Variants in MAPKBP1 observed in about 807,000 individuals in gnomAD.
The protein encoded by MAPKBP1 is mitogen-activated protein kinase binding protein 1, also known as mitogen-activated protein kinase-binding protein 1.
A neutral mutation model predicts 170.5 loss-of-function variants in MAPKBP1; 71 were observed. The ratio of observed to expected loss-of-function variants is 0.42; its 90% CI spans 0.34 to 0.51. MAPKBP1 has a LOEUF of 0.51. Ranked by LOEUF, MAPKBP1 falls within the 20% of genes least tolerant of loss-of-function variation. The pLI is 0.06. For synonymous variants in MAPKBP1, 719 were observed against 757.9 expected (o/e 0.95, Z 0.84); for missense variants, 1,598 against 1,933.0 (o/e 0.83, Z 3.25).
intron 5 of MAPKBP1, 172 bp from the exon 6 acceptor site, chr15:41,811,785 T>G (rs1567147971): frequency 2.7e-6 from 2 of 737,138 alleles, no homozygotes; most frequent in African/African-American, 3.5e-5. Flanking sequence ...TGGTAATCAC[T>G]GTTGCCCTCA....
chr15:41,780,907 C>T (rs1039075962), intron 2 of MAPKBP1, among the ~76,000 whole-genome samples: 1 of 152,080 alleles, frequency 6.6e-6, no homozygotes, highest in African/African-American at 2.4e-5. Context: ...GTTATAGCAA[C>T]AGGTCCAGTG....
Position 41,814,753 on chromosome 15 carries a change from C to T in MAPKBP1, c.1170+14C>T. On this transcript the variant is annotated intron_variant, in intron 10 of 30. Transcript: ENST00000457542. ...TGGAGTGTGGAGGTATGTGGGCTGGCTGGCTGGCTGGAGACTGGCCAGGTT... is the reference window on the plus strand; with the variant it reads ...TGGAGTGTGGAGGTATGTGGGCTGGTTGGCTGGCTGGAGACTGGCCAGGTT... The T allele has an allele frequency of 6.2e-7, 1 of 1,612,616 alleles. No individual in the cohort carries two copies. The highest frequency in any genetic ancestry group is 8.5e-7 in the Non-Finnish European group (1 of 1,178,764).
Position 41,799,883 on chromosome 15 carries a change from C to G in MAPKBP1, c.175C>G (p.Pro59Ala), listed in dbSNP as rs770589872. 1.2e-6 allele frequency: 2 copies of G among 1,614,056 alleles called. No homozygotes were observed. Among genetic ancestry groups the G allele is most frequent in the Non-Finnish European group, 1.7e-6 (2 of 1,179,998 alleles). The change falls in exon 3 of 31, where the codon CCC becomes GCC. Residue 59 changes from proline (P) to alanine (A), a missense_variant. By Grantham distance (27) the Pro-to-Ala change is conservative (BLOSUM62 -1). Coordinates refer to ENST00000457542, the MANE Select transcript of MAPKBP1 (RefSeq NM_014994.3). ...VSGGRGLACDPRSGLVAYPAG... is the reference protein window; with the variant it reads ...VSGGRGLACDARSGLVAYPAG... The stretch of plus-strand genomic sequence containing the variant: ...TGGAGGCAGAGGACTTGCCTGTGAC[C>G]CCCGATCAGGTTTAGTTGCTTACCC...
At chr15:41,794,519 C>T (rs2064451975) in intron 2 of MAPKBP1, among the ~76,000 whole-genome samples, 1 of 152,096 alleles carries the variant, frequency 6.6e-6, no homozygotes, top group Non-Finnish European at 1.5e-5. Context: ...GTTACCTGTA[C>T]CATTAAGTGC....
chr15:41,806,011 G>A (rs2064684386), intron 3 of MAPKBP1, among the ~76,000 whole-genome samples: 1 of 152,130 alleles, frequency 6.6e-6, no homozygotes, highest in Non-Finnish European at 1.5e-5. Flanking sequence ...GAGGTTCCTT[G>A]GCAGCCAGGG....
At position 41,819,288 on chromosome 15, in the gene MAPKBP1, A is replaced by C. The variant is rs778576745; in HGVS notation, c.2334A>C (p.Ser778=). The change falls in exon 21 of 31, where the codon TCA becomes TCC. Residue 778 remains serine (S), a synonymous_variant. Transcript: ENST00000457542. ...PSMLSPGPAL[S]SDSDKEGEDE... is the part of the protein sequence containing the mutation. ...TGCTGTCTCCTGGACCGGCTCTCTC[A>C]TCAGACAGTGACAAGGAGGGAGAAG... is the stretch of plus-strand genomic sequence containing the variant. 6.2e-7 allele frequency: 1 copy of C among 1,614,114 alleles called. No individual in the cohort carries two copies. The highest frequency in any genetic ancestry group is 1.7e-5 in the Admixed American group (1 of 60,026).
At position 41,810,960 on chromosome 15, in the gene MAPKBP1, G is replaced by A; in HGVS notation, c.269+15G>A. ...AACAGTTCCAGGTAAATGGGCTGGG[G>A]TCCTCAGGATACCTCTTCCTTCTGG... On this transcript the variant is annotated intron_variant, in intron 4 of 30. Coordinates refer to ENST00000457542, the MANE Select transcript of MAPKBP1 (RefSeq NM_014994.3). 1 of 1,614,124 alleles carries A rather than the reference G, an allele frequency of 6.2e-7. No homozygotes were observed. Among genetic ancestry groups the A allele is most frequent in the Non-Finnish European group, 8.5e-7 (1 of 1,179,970 alleles).
chr15:41,813,855 G>T, intron 9 of MAPKBP1, 74 bp downstream of exon 9: 1 of 1,484,164 alleles, frequency 6.7e-7, no homozygotes, highest in Non-Finnish European at 9.0e-7. Context: ...GTGCCTCAGG[G>T]AGCAGGTGAA....
Position 41,775,238 on chromosome 15 carries a change from A to T in MAPKBP1, c.-38A>T. 2 of 1,538,866 alleles carry T rather than the reference A, an allele frequency of 1.3e-6. No homozygotes were observed. The highest frequency in any genetic ancestry group is 1.8e-6 in the Non-Finnish European group (2 of 1,112,170). ...TGCCGCTGTTGAGACAAGACCCAGG[A>T]CTGGGCCGGGGACTGTCCCAAAGGG... On this transcript the variant is annotated 5_prime_UTR_variant, in exon 2 of 31. Transcript: ENST00000457542.
Position 41,815,779 on chromosome 15 carries a change from G to A in MAPKBP1, c.1473G>A (p.Gly491=). The A allele has an allele frequency of 6.2e-7, 1 of 1,614,022 alleles. No individual in the cohort carries two copies. The highest frequency in any genetic ancestry group is 8.5e-7 in the Non-Finnish European group (1 of 1,179,898). Residue 491 remains glycine (G), a synonymous_variant, in exon 12 of 31, where the codon GGG becomes GGA. Transcript: ENST00000457542. ...VSPNGQHLAS[G]DRMGTLRVHE... ...CCAATGGACAGCATCTAGCATCAGG[G>A]GACCGTATGGGCACACTTAGGTAAT... is the stretch of plus-strand genomic sequence containing the variant.
intron 2 of MAPKBP1, among the ~76,000 whole-genome samples, chr15:41,789,546 C>T (rs868786061): frequency 2.0e-5 from 3 of 152,138 alleles, no homozygotes; most frequent in Admixed American, 6.5e-5. Flanking sequence ...CATCTGCATA[C>T]GAAATCAGCT....
chr15:41,827,323 A>G lies in MAPKBP1; in HGVS notation c.*1887A>G, dbSNP rs976578590. On this transcript the variant is annotated 3_prime_UTR_variant, in exon 31 of 31. Coordinates refer to ENST00000457542, the MANE Select transcript of MAPKBP1 (RefSeq NM_014994.3). ...TCAAAAAAAAAAAAGAAAAAGGGTT[A>G]CAAAAGGTTCCCAGCTCCGGGGCAT... 16 of 151,446 alleles carry G rather than the reference A, an allele frequency of 1.1e-4. No homozygotes were observed. Among genetic ancestry groups the G allele is most frequent in the African/African-American group, 3.9e-4 (16 of 41,232 alleles). The allele number at this position is 151,446 out of a possible 1,614,324, so 9.4% of individuals were successfully genotyped here.
intron 2 of MAPKBP1, among the ~76,000 whole-genome samples, chr15:41,779,831 A>G (rs968150788): frequency 6.6e-6 from 1 of 152,120 alleles, no homozygotes; most frequent in Non-Finnish European, 1.5e-5. Flanking sequence ...CTCTTGTTGA[A>G]TTTTCTGTCT....
At chr15:41,804,481 C>G (rs2064655705) in intron 3 of MAPKBP1, among the ~76,000 whole-genome samples, 1 of 152,208 alleles carries the variant, frequency 6.6e-6, no homozygotes, top group South Asian at 2.1e-4. Flanking sequence ...CAGGTTCCCT[C>G]TTGTTGGAGG....
rs1567140804 is a variant in MAPKBP1 at position 41,797,547 on chromosome 15, G to T, written c.115-2276G>T. ...CCCCAGACTTCCCCAGGATGATTTT[G>T]TTGCTCTCCAGTCAGTAATAGGTGA... On this transcript the variant is annotated intron_variant, in intron 2 of 30. Transcript: ENST00000457542. Among the ~76,000 whole-genome samples the T allele has an allele frequency of 3.3e-5, 5 of 152,262 alleles. No individual in the cohort carries two copies. The South Asian group carries it at 1.0e-3, about 32-fold the overall frequency.
At chr15:41,793,764 T>A (rs2064435675) in intron 2 of MAPKBP1, among the ~76,000 whole-genome samples, 1 of 152,194 alleles carries the variant, frequency 6.6e-6, no homozygotes, top group African/African-American at 2.4e-5. Flanking sequence ...TTGCTCATGC[T>A]ACATATTCAG....
intron 2 of MAPKBP1, among the ~76,000 whole-genome samples, chr15:41,784,797 A>AAT (rs2064254499): frequency 1.3e-5 from 2 of 150,914 alleles, no homozygotes; most frequent in South Asian, 2.1e-4. Flanking sequence ...AAAAAAAAAA[A>AAT]AAAAATTAGC....
At chr15:41,805,685 T>C (rs1385853836) in intron 3 of MAPKBP1, among the ~76,000 whole-genome samples, 1 of 152,216 alleles carries the variant, frequency 6.6e-6, no homozygotes, top group Non-Finnish European at 1.5e-5. Flanking sequence ...TTTGAAGCAT[T>C]GCACTGGGTG....
chr15:41,798,676 A>G, intron 2 of MAPKBP1, among the ~76,000 whole-genome samples: 1 of 152,186 alleles, frequency 6.6e-6, no homozygotes, highest in East Asian at 1.9e-4. Context: ...TCCCCTCTCT[A>G]GAAACTGGCC....
Sources: allele counts gnomAD v4.1 joint callset (sites outside exome capture counted in the v4.1 genomes callset), GRCh38; gene constraint gnomAD v4.1.1; transcripts MANE v1.5; gene names NCBI Gene and HGNC (gene_info 2026-07-23, HGNC 2026-07-21).